SLC9A7: variants seen among roughly 807,000 people sequenced by gnomAD.
SLC9A7 encodes solute carrier family 9 member A7.
SLC9A7 carries 19 observed loss-of-function variants against 52.6 expected under a neutral mutation model. The observed-to-expected ratio is 0.36, with a 90% CI of 0.25 to 0.53. SLC9A7 has a LOEUF of 0.53. Ranked by LOEUF, SLC9A7 falls within the 20% of genes least tolerant of loss-of-function variation. The probability of loss-of-function intolerance (pLI) is 0.91; values close to 1 mark genes in which losing one functional copy is unlikely to be tolerated. For synonymous variants in SLC9A7, 226 were observed against 252.1 expected (o/e 0.90, Z 0.98); for missense variants, 455 against 597.9 (o/e 0.76, Z 2.49).
At chrX:46,611,153 G>A (rs1450435940) in intron 16 of SLC9A7, among the ~76,000 whole-genome samples, 1 of 111,671 alleles carries the variant, frequency 9.0e-6, no homozygotes, top group Non-Finnish European at 1.9e-5. Context: ...TTTAGACAGC[G>A]GGCCAAACTG....
chrX:46,671,477 G>A (rs905843183), intron 4 of SLC9A7, among the ~76,000 whole-genome samples: 6 of 108,414 alleles, frequency 5.5e-5, no homozygotes, highest in African/African-American at 2.0e-4. Flanking sequence ...CACCATGTTA[G>A]CCAGGATGGT....
At chrX:46,626,932 T>C (rs1040336208) in intron 14 of SLC9A7, among the ~76,000 whole-genome samples, 1 of 111,896 alleles carries the variant, frequency 8.9e-6, no homozygotes, top group African/African-American at 3.3e-5. Context: ...TGGTTCTTTA[T>C]AGAAGTGTGG....
intron 1 of SLC9A7, among the ~76,000 whole-genome samples, chrX:46,709,277 C>T (rs954178066): frequency 1.8e-5 from 2 of 110,187 alleles, no homozygotes; most frequent in African/African-American, 3.3e-5. Flanking sequence ...TGCGGTGGTG[C>T]GCACCTGTGG....
intron 12 of SLC9A7, among the ~76,000 whole-genome samples, chrX:46,639,045 G>A (rs1943363381): frequency 8.9e-6 from 1 of 112,166 alleles, no homozygotes; most frequent in African/African-American, 3.2e-5. Context: ...AACAAGGCTG[G>A]TTCAATATTT....
chrX:46,758,906 A>C lies in SLC9A7; in HGVS notation c.124T>G (p.Ser42Ala). 3 of 1,164,783 alleles carry C rather than the reference A, an allele frequency of 2.6e-6. No homozygotes were observed. Among genetic ancestry groups the C allele is most frequent in the Non-Finnish European group, 3.4e-6 (3 of 874,524 alleles). ...GLRVAAAASA[S>A]SSGAAAEDSS... is the part of the protein sequence containing the mutation. ...TCCTCCGCCGCCGCCCCAGAGGAGG[A>C]GGCCGAGGCCGCGGCCGCGACTCGC... The change falls in exon 1 of 17, where the codon TCC becomes GCC. Residue 42 changes from serine (S) to alanine (A), a missense_variant. Physicochemically the swap from Ser to Ala is moderately conservative, Grantham distance 99 (BLOSUM62 1). Around this residue, in one of 3 missense-constraint regions of SLC9A7, gnomAD observed 304 missense variants for 417.8 expected, o/e 0.73. Transcript: ENST00000616978.
At chrX:46,664,018 G>GGT (rs1943876466) in intron 5 of SLC9A7, among the ~76,000 whole-genome samples, 1 of 111,632 alleles carries the variant, frequency 9.0e-6, no homozygotes, top group South Asian at 3.8e-4. Flanking sequence ...TTTGAAACAT[G>GGT]GTGTGTGTGT....
chrX:46,734,254 C>G (rs1169434819), intron 1 of SLC9A7, among the ~76,000 whole-genome samples: 1 of 111,433 alleles, frequency 9.0e-6, no homozygotes, highest in African/African-American at 3.3e-5. Flanking sequence ...CACACACACA[C>G]ACTCACACAC....
chrX:46,679,658 T>C lies in SLC9A7; in HGVS notation c.603+20A>G, dbSNP rs755067388. Reference sequence around the variant, plus strand: ...ACAGAGATTCACATGATTTCAGAAATACTGGCAAAAACATCTTACCTTCTT... The same window carrying C: ...ACAGAGATTCACATGATTTCAGAAACACTGGCAAAAACATCTTACCTTCTT... On this transcript the variant is annotated intron_variant, in intron 3 of 16. Coordinates refer to ENST00000616978, the MANE Select transcript of SLC9A7 (RefSeq NM_001257291.2). The C allele has an allele frequency of 4.4e-6, 5 of 1,126,902 alleles. No individual in the cohort carries two copies. In the South Asian group the frequency reaches 5.9e-5, roughly 13 times the overall value. 92.9% of individuals were successfully genotyped at this position (1,126,902 alleles called of 1,213,427 possible).
chrX:46,612,085 A>G (rs1468141214), intron 16 of SLC9A7, among the ~76,000 whole-genome samples: 1 of 112,007 alleles, frequency 8.9e-6, no homozygotes, highest in Admixed American at 9.4e-5. Context: ...GGTCCCAGCT[A>G]ATTACTAACT....
At chrX:46,680,276 G>A (rs1227333960) in intron 2 of SLC9A7, among the ~76,000 whole-genome samples, 4 of 108,115 alleles carry the variant, frequency 3.7e-5, no homozygotes, top group African/African-American at 1.4e-4. Context: ...TTGAACCCAG[G>A]AGGCGGAGGT....
At chrX:46,626,835 C>T (rs1943138699) in intron 14 of SLC9A7, among the ~76,000 whole-genome samples, 1 of 112,185 alleles carries the variant, frequency 8.9e-6, no homozygotes, top group South Asian at 3.7e-4. Context: ...TTGTGCGTTT[C>T]CTGAGGCCTC....
chrX:46,717,892 T>C (rs981326388), intron 1 of SLC9A7, among the ~76,000 whole-genome samples: 24 of 111,386 alleles, frequency 2.2e-4, no homozygotes, highest in African/African-American at 7.9e-4. Context: ...ATAGATTCAA[T>C]GCCACCCCCA....
intron 16 of SLC9A7, among the ~76,000 whole-genome samples, chrX:46,609,944 C>T (rs1452161742): frequency 8.9e-6 from 1 of 111,758 alleles, no homozygotes; most frequent in Non-Finnish European, 1.9e-5. Context: ...ACGAGAATCG[C>T]TTGAACCCGG....
chrX:46,618,943 CAA>C (rs34008582), intron 15 of SLC9A7, among the ~76,000 whole-genome samples: 75 of 84,267 alleles, frequency 8.9e-4, no homozygotes, highest in African/African-American at 1.4e-3. Flanking sequence ...GACTCTGTCT[CAA>C]AAAAAAAAAA....
chrX:46,731,441 T>A (rs55788660), intron 1 of SLC9A7, among the ~76,000 whole-genome samples: 1 of 23,984 alleles, frequency 4.2e-5, no homozygotes, highest in Admixed American at 8.7e-4. Context: ...TTAAAAAAAA[T>A]TAAAATTAAA....
chrX:46,647,489 G>C (rs1318146786), intron 11 of SLC9A7, among the ~76,000 whole-genome samples: 1 of 112,643 alleles, frequency 8.9e-6, no homozygotes, highest in Non-Finnish European at 1.9e-5. Context: ...TAGCTAAAAG[G>C]CCACTCCCTT....
Position 46,603,466 on chromosome X carries a change from T to C in SLC9A7, c.*3486A>G, listed in dbSNP as rs1246297179. 8.9e-6 allele frequency: 1 copy of C among 112,067 alleles called. No individual in the cohort carries two copies. The highest frequency in any genetic ancestry group is 1.9e-5 in the Non-Finnish European group (1 of 53,228). The allele number at this position is 112,067 out of a possible 1,213,427, so 9.2% of individuals were successfully genotyped here. A position where few individuals can be genotyped will look rare whatever the true frequency, so the allele number is the denominator to read the frequency against. Reference sequence around the variant, plus strand: ...AACACTCTATGAATTGAACTAAGACTAGGAAGGGAAACTGGGTGGTTATTT... The same window carrying C: ...AACACTCTATGAATTGAACTAAGACCAGGAAGGGAAACTGGGTGGTTATTT... On this transcript the variant is annotated 3_prime_UTR_variant, in exon 17 of 17. Transcript: ENST00000616978.
intron 7 of SLC9A7, among the ~76,000 whole-genome samples, chrX:46,660,808 T>C (rs1479596147): frequency 9.2e-6 from 1 of 108,714 alleles, no homozygotes; most frequent in African/African-American, 3.4e-5. Context: ...TGGAAGTCAG[T>C]GTGGCGATTC....
At chrX:46,673,124 T>C (rs1203805615) in intron 3 of SLC9A7, among the ~76,000 whole-genome samples, 1 of 111,797 alleles carries the variant, frequency 8.9e-6, no homozygotes, top group Non-Finnish European at 1.9e-5. Context: ...TATCTGCTCA[T>C]GGAACCTGAA....
Sources: gnomAD v4.1 joint callset for allele counts (sites outside exome capture counted in the v4.1 genomes callset) on GRCh38, gnomAD v4.1.1 for gene constraint, gnomAD v4.1.1 regional missense constraint, MANE v1.5 for transcripts, NCBI Gene and HGNC (gene_info 2026-07-23, HGNC 2026-07-21) for gene names.